ZNF385D: variants seen among roughly 807,000 people sequenced by gnomAD.
ZNF385D encodes the protein zinc finger protein 385D, also known as zinc finger protein 659.
ZNF385D carries 15 observed loss-of-function variants against 35.8 expected under a neutral mutation model. The observed-to-expected ratio is 0.42, with a 90% CI of 0.28 to 0.64. The LOEUF is 0.64. ZNF385D is among the 30% of genes least tolerant of loss of function. The probability of loss-of-function intolerance (pLI) is 0.23; values close to 1 mark genes in which losing one functional copy is unlikely to be tolerated. For missense variants in ZNF385D, 474 were observed against 494.6 expected (o/e 0.96, Z 0.39); for synonymous variants, 212 against 186.8 (o/e 1.13, Z -1.10).
chr3:22,270,300 G>A (rs1222755736), intron 2 of ZNF385D, among the ~76,000 whole-genome samples: 1 of 151,946 alleles, frequency 6.6e-6, no homozygotes, highest in African/African-American at 2.4e-5. Context: ...AGGGGCTTTA[G>A]GACAGTATCT....
rs147605264 is a variant in ZNF385D, at chr3:21,705,896, A to G, written c.23-40868T>C. Among the ~76,000 whole-genome samples the G allele has an allele frequency of 3.4e-3, 519 of 152,176 alleles. 3 individuals carry two copies. The highest frequency in any genetic ancestry group is 0.012 in the African/African-American group (489 of 41,520). On this transcript the variant is annotated intron_variant, in intron 1 of 7. Coordinates refer to ENST00000281523, the MANE Select transcript of ZNF385D (RefSeq NM_024697.3). ...CAGTAGCTCAATTCCTGCCACTCCC[A>G]CACCAAGCTCTGGTTGCCAAAGCCT...
At chr3:21,609,604 G>A (rs185014811) in intron 2 of ZNF385D, among the ~76,000 whole-genome samples, 28 of 152,244 alleles carry the variant, frequency 1.8e-4, no homozygotes, top group African/African-American at 6.5e-4. Flanking sequence ...TAGAAATAGG[G>A]GTAGGCTCGT....
chr3:21,804,822 T>A (rs2072563658), intron 3 of ZNF385D, among the ~76,000 whole-genome samples: 1 of 151,486 alleles, frequency 6.6e-6, no homozygotes, highest in Non-Finnish European at 1.5e-5. Flanking sequence ...TCAAAGGCTA[T>A]TTAATATGTT....
In ZNF385D at chr3:21,539,091, G is replaced by A. The variant is rs2062110597; in HGVS notation, c.276+25483C>T. 6.6e-6 allele frequency among the ~76,000 whole-genome samples: 1 copy of A among 151,986 alleles called. No individual in the cohort carries two copies. Among genetic ancestry groups the A allele is most frequent in the Non-Finnish European group, 1.5e-5 (1 of 68,020 alleles). ...AGCTAATACGGAACAAAGGGAGTGG[G>A]TGCAGCAAAATATTCAAGTTAATTT... On this transcript the variant is annotated intron_variant, in intron 3 of 7. Coordinates refer to ENST00000281523, the MANE Select transcript of ZNF385D (RefSeq NM_024697.3). This position sits in a 1 kb window ranked among gnomAD's most constrained non-coding sequence, Gnocchi z 4.0.
chr3:21,731,056 G>A (rs1388405519), intron 1 of ZNF385D, among the ~76,000 whole-genome samples: 2 of 152,084 alleles, frequency 1.3e-5, no homozygotes, highest in African/African-American at 4.8e-5. Context: ...AGCTTATTAG[G>A]GCAAAGAGTA....
intron 3 of ZNF385D, among the ~76,000 whole-genome samples, chr3:21,997,362 T>C (rs1328784039): frequency 6.6e-6 from 1 of 151,784 alleles, no homozygotes; most frequent in Non-Finnish European, 1.5e-5. Flanking sequence ...GGTGGGGGGA[T>C]TGGGGAGGGA....
chr3:22,118,181 T>C (rs1240386264), intron 3 of ZNF385D, among the ~76,000 whole-genome samples: 2 of 152,108 alleles, frequency 1.3e-5, no homozygotes, highest in African/African-American at 4.8e-5. Context: ...AACTATGGAA[T>C]TGCTAATGTC....
chr3:21,576,723 T>C (rs2125692974), intron 2 of ZNF385D, among the ~76,000 whole-genome samples: 1 of 152,258 alleles, frequency 6.6e-6, no homozygotes, highest in South Asian at 2.1e-4. Context: ...ATTTAAACTT[T>C]ATTGAAACTT....
intron 3 of ZNF385D, among the ~76,000 whole-genome samples, chr3:21,949,924 T>C (rs1474051753): frequency 3.3e-5 from 5 of 152,282 alleles, no homozygotes; most frequent in African/African-American, 1.2e-4. Flanking sequence ...CCATGGTGTA[T>C]ATGTGCCACA....
At chr3:21,678,963 T>C (rs1334559138) in intron 1 of ZNF385D, among the ~76,000 whole-genome samples, 1 of 152,112 alleles carries the variant, frequency 6.6e-6, no homozygotes, top group Non-Finnish European at 1.5e-5. Context: ...GTTCTTCAGC[T>C]GCTCTCTGCC....
chr3:21,833,148 C>A (rs1695108558), intron 3 of ZNF385D, among the ~76,000 whole-genome samples: 1 of 152,096 alleles, frequency 6.6e-6, no homozygotes, highest in Non-Finnish European at 1.5e-5. Flanking sequence ...ACTAGGAACA[C>A]TGCAGAGATC....
chr3:22,156,534 C>T (rs189634123), intron 3 of ZNF385D, among the ~76,000 whole-genome samples: 1 of 152,062 alleles, frequency 6.6e-6, no homozygotes, highest in Non-Finnish European at 1.5e-5. Context: ...CCTAAAACAT[C>T]GCTGAAAATA....
At chr3:21,530,598 G>A (rs1177646347) in intron 3 of ZNF385D, among the ~76,000 whole-genome samples, 1 of 152,130 alleles carries the variant, frequency 6.6e-6, no homozygotes, top group Non-Finnish European at 1.5e-5. Context: ...AACATACTAA[G>A]GGTGTTTTCA....
intron 2 of ZNF385D, among the ~76,000 whole-genome samples, chr3:22,187,813 T>C (rs1004293143): frequency 6.6e-6 from 1 of 152,098 alleles, no homozygotes; most frequent in Non-Finnish European, 1.5e-5. Flanking sequence ...TAATGTAGAG[T>C]TGTCACTGGG....
chr3:22,251,155 C>T (rs565548793), intron 2 of ZNF385D, among the ~76,000 whole-genome samples: 3 of 152,220 alleles, frequency 2.0e-5, no homozygotes, highest in Non-Finnish European at 4.4e-5. Flanking sequence ...AGCTGACATA[C>T]ATTTGCTAAA....
chr3:22,101,459 C>T (rs1701940673), intron 3 of ZNF385D, among the ~76,000 whole-genome samples: 1 of 152,040 alleles, frequency 6.6e-6, no homozygotes, highest in Admixed American at 6.6e-5. Flanking sequence ...GATGAAATAA[C>T]ACGTATTTGT....
chr3:21,965,969 T>G (rs771015324), intron 3 of ZNF385D, among the ~76,000 whole-genome samples: 4 of 152,228 alleles, frequency 2.6e-5, no homozygotes, highest in Non-Finnish European at 5.9e-5. Flanking sequence ...GTAAATTTTC[T>G]GTAAGTTTGA....
chr3:21,821,626 C>A (rs1446937434), intron 3 of ZNF385D, among the ~76,000 whole-genome samples: 1 of 151,900 alleles, frequency 6.6e-6, no homozygotes, highest in African/African-American at 2.4e-5. Flanking sequence ...CATTGATAAC[C>A]AGAAAAATGT....
chr3:21,444,492 C>T (rs1047687171), intron 4 of ZNF385D, among the ~76,000 whole-genome samples: 1 of 149,688 alleles, frequency 6.7e-6, no homozygotes, highest in African/African-American at 2.5e-5. Flanking sequence ...TCAAGCAATT[C>T]TCCTGCCTCA....
Sources: allele counts gnomAD v4.1 joint callset (sites outside exome capture counted in the v4.1 genomes callset), GRCh38; gene constraint gnomAD v4.1.1; non-coding constraint Gnocchi (gnomAD v3.1); transcripts MANE v1.5; gene names NCBI Gene and HGNC (gene_info 2026-07-23, HGNC 2026-07-21).